Variants in LAMA4 observed in about 807,000 individuals in gnomAD.
LAMA4 encodes the protein laminin subunit alpha-4.
Under a neutral mutation model 207.1 loss-of-function variants are expected in LAMA4, and 127 were observed. That is an observed-to-expected ratio of 0.61 (90% CI 0.53 to 0.71). The LOEUF (loss-of-function observed/expected upper bound fraction) is 0.71. Among genes scored for constraint, LAMA4 ranks in the 30% least tolerant of loss-of-function variants. The pLI is 0.00. For missense variants in LAMA4, 2,093 were observed against 2,246.5 expected, an observed-to-expected ratio of 0.93 and a Z score of 1.38; for synonymous variants, 761 against 816.0, an observed-to-expected ratio of 0.93 and a Z score of 1.15.
At chr6:112,134,807 C>T (rs1172694831) in intron 25 of LAMA4, among the ~76,000 whole-genome samples, 198 bp from the exon 26 acceptor site, 1 of 152,150 alleles carries the variant, frequency 6.6e-6, no homozygotes, top group Non-Finnish European at 1.5e-5. Context: ...CAGCAGTTCA[C>T]ACTTTCTGGG....
intron 22 of LAMA4, 136 bp from the exon 23 acceptor site, chr6:112,140,021 T>C (rs1217822096): frequency 2.6e-5 from 22 of 841,796 alleles, no homozygotes; most frequent in Non-Finnish European, 4.4e-5. Flanking sequence ...CCCGAGTGTG[T>C]TTATGCCAAA....
At chr6:112,202,902 G>C (rs1235123421) in intron 4 of LAMA4, among the ~76,000 whole-genome samples, 1 of 152,204 alleles carries the variant, frequency 6.6e-6, no homozygotes, top group Non-Finnish European at 1.5e-5. Flanking sequence ...GGCATCTGGA[G>C]TCATCCGCCT....
At chr6:112,184,252 A>G (rs1361402726) in intron 9 of LAMA4, among the ~76,000 whole-genome samples, 1 of 151,712 alleles carries the variant, frequency 6.6e-6, no homozygotes, top group Non-Finnish European at 1.5e-5. Context: ...AGAATTGTTT[A>G]TAATGTCAAC....
At chr6:112,250,497 G>A (rs1787362214) in intron 2 of LAMA4, among the ~76,000 whole-genome samples, 1 of 152,150 alleles carries the variant, frequency 6.6e-6, no homozygotes, top group Admixed American at 6.5e-5. Context: ...CAACAATAAT[G>A]ACAACAATAG....
chr6:112,122,097 T>C lies in LAMA4; in HGVS notation c.4392A>G (p.Arg1464=). ...NSHCHLSNSP[R]AIEHAYQYGG... ...CATATTGATAGGCGTGCTCTATTGC[T>C]CTAGGGCTGTTGGAAAGGTGGCAAT... Residue 1464 remains arginine (R), a synonymous_variant, in exon 32 of 39, where the codon AGA becomes AGG. Coordinates refer to ENST00000230538, the MANE Select transcript of LAMA4 (RefSeq NM_001105206.3). The C allele has an allele frequency of 6.2e-7, 1 of 1,613,980 alleles. No individual in the cohort carries two copies. The highest frequency in any genetic ancestry group is 8.5e-7 in the Non-Finnish European group (1 of 1,179,916).
intron 14 of LAMA4, among the ~76,000 whole-genome samples, chr6:112,156,297 C>A (rs1346032290): frequency 1.3e-5 from 2 of 152,088 alleles, no homozygotes; most frequent in Non-Finnish European, 2.9e-5. Context: ...GTGTAAGGTT[C>A]ATCCAACATT....
Position 112,165,167 on chromosome 6 carries a change from A to G in LAMA4, c.1661T>C (p.Ile554Thr), listed in dbSNP as rs535664944. The change falls in exon 13 of 39, where the codon ATA becomes ACA. Residue 554 changes from isoleucine (I) to threonine (T), a missense_variant. Physicochemically the swap from Ile to Thr is moderately conservative, Grantham distance 89. Coordinates refer to ENST00000230538, the MANE Select transcript of LAMA4 (RefSeq NM_001105206.3). ...PRLTLSELDD[I>T]IKNASGIYAE... is the part of the protein sequence containing the mutation. ...AGTCACGTGCGTCCTTACCTTTATT[A>G]TATCATCAAGTTCTGAAAGAGTTAG... 5.5e-5 allele frequency: 87 copies of G among 1,592,454 alleles called. No individual in the cohort carries two copies. The South Asian group carries it at 8.4e-4, about 15-fold the overall frequency.
chr6:112,175,948 A>G lies in LAMA4; in HGVS notation c.1190-468T>C, dbSNP rs532755221. 1.9e-4 allele frequency among the ~76,000 whole-genome samples: 29 copies of G among 152,350 alleles called. No individual in the cohort carries two copies. The South Asian group carries it at 5.2e-3, about 27-fold the overall frequency. ...GAGATTATTAATGTGTGGAGTTATT[A>G]ATTGTATTTTAGACAAAGATTTGAT... On this transcript the variant is annotated intron_variant, in intron 10 of 38. Transcript: ENST00000230538.
intron 12 of LAMA4, among the ~76,000 whole-genome samples, chr6:112,171,313 G>A (rs1257795950): frequency 6.6e-6 from 1 of 151,890 alleles, no homozygotes; most frequent in Non-Finnish European, 1.5e-5. Flanking sequence ...ACTGTTATAG[G>A]TGATGAGGAG....
At position 112,131,086 on chromosome 6, in the gene LAMA4, T is replaced by C. The variant is rs567496555; in HGVS notation, c.3850A>G (p.Ile1284Val). ...ATGACAGTACCATTATCCAGTGAGATGGAGAACACGTCTGACTGAAATGCA... is the reference window on the plus strand; with the variant it reads ...ATGACAGTACCATTATCCAGTGAGACGGAGAACACGTCTGACTGAAATGCA... ...YYASGSDVFS[I>V]SLDNGTVIMD... Residue 1284 changes from isoleucine (I) to valine (V), a missense_variant, in exon 29 of 39, where the codon ATC becomes GTC. Physicochemically the swap from Ile to Val is conservative, Grantham distance 29. Coordinates refer to ENST00000230538, the MANE Select transcript of LAMA4 (RefSeq NM_001105206.3). The C allele has an allele frequency of 5.0e-6, 8 of 1,613,078 alleles. No homozygotes were observed. Among genetic ancestry groups the C allele is most frequent in the African/African-American group, 1.3e-5 (1 of 74,998 alleles).
At chr6:112,253,922 C>A (rs782092740) in intron 2 of LAMA4, 34 bp downstream of exon 2, 3 of 1,611,406 alleles carry the variant, frequency 1.9e-6, no homozygotes, top group Non-Finnish European at 2.5e-6. Context: ...GGCGCAGGTG[C>A]CCCAGCAGGG....
rs1160437204 is a variant in LAMA4 at position 112,139,920 on chromosome 6, T to C, written c.2977-35A>G. The stretch of plus-strand genomic sequence containing the variant: ...AGAAAAAGTAAAACCACTTGTCTCA[T>C]GGTCATATTTTACTCAGACATCACA... On this transcript the variant is annotated intron_variant, in intron 22 of 38. Transcript: ENST00000230538. 6 of 1,609,836 alleles carry C rather than the reference T, an allele frequency of 3.7e-6. No individual in the cohort carries two copies. The African/African-American group carries it at 6.7e-5, about 18-fold the overall frequency.
At chr6:112,188,971 G>A in intron 7 of LAMA4, 139 bp downstream of exon 7, 1 of 676,730 alleles carries the variant, frequency 1.5e-6, no homozygotes, top group Non-Finnish European at 2.7e-6. Context: ...GGCTCCATTT[G>A]CTGAGGTGCA....
chr6:112,194,499 G>A (rs6930838), intron 5 of LAMA4, among the ~76,000 whole-genome samples: 31,823 of 152,094 alleles, frequency 0.21, 4,435 homozygotes, highest in African/African-American at 0.39. Flanking sequence ...AAACTCTGAA[G>A]TTTTAGTCAA....
chr6:112,204,791 T>C (rs1783962743), intron 4 of LAMA4, among the ~76,000 whole-genome samples: 1 of 152,226 alleles, frequency 6.6e-6, no homozygotes, highest in East Asian at 1.9e-4. Context: ...ACCCTCACTG[T>C]GAGTACCATC....
At chr6:112,206,895 A>G in intron 4 of LAMA4, 126 bp downstream of exon 4, 3 of 1,103,078 alleles carry the variant, frequency 2.7e-6, no homozygotes, top group Non-Finnish European at 4.0e-6. Flanking sequence ...TTCCAGTCTC[A>G]TCTCAATATG....
At chr6:112,111,576 GA>G (rs1312914959) in intron 38 of LAMA4, among the ~76,000 whole-genome samples, 1 of 152,096 alleles carries the variant, frequency 6.6e-6, no homozygotes, top group African/African-American at 2.4e-5. Flanking sequence ...GATTTTAGTG[GA>G]ATTAATCTTG....
In LAMA4 at chr6:112,122,075, A is replaced by T. The variant is rs1361213570; in HGVS notation, c.4414T>A (p.Tyr1472Asn). The change falls in exon 32 of 39, where the codon TAT becomes AAT. Residue 1472 changes from tyrosine (Y) to asparagine (N), a missense_variant. By Grantham distance (143) the Tyr-to-Asn change is moderately radical. Coordinates refer to ENST00000230538, the MANE Select transcript of LAMA4 (RefSeq NM_001105206.3). ...TGGCGGCTGTTGGCTGTTCCTCCAT[A>T]TTGATAGGCGTGCTCTATTGCTCTA... Reference protein sequence around the residue: ...SPRAIEHAYQYGGTANSRQEF... With the variant: ...SPRAIEHAYQNGGTANSRQEF... 1 of 1,613,856 alleles carries T rather than the reference A, an allele frequency of 6.2e-7. No homozygotes were observed. Among genetic ancestry groups the T allele is most frequent in the Non-Finnish European group, 8.5e-7 (1 of 1,179,968 alleles).
intron 5 of LAMA4, among the ~76,000 whole-genome samples, chr6:112,195,175 C>CAGA (rs2114978976): frequency 6.6e-6 from 1 of 152,146 alleles, no homozygotes; most frequent in South Asian, 2.1e-4. Context: ...CTAGGTGGCT[C>CAGA]AGAAACCTTT....
Sources: allele counts gnomAD v4.1 joint callset (sites outside exome capture counted in the v4.1 genomes callset), GRCh38; gene constraint gnomAD v4.1.1; transcripts MANE v1.5; gene names NCBI Gene and HGNC (gene_info 2026-07-23, HGNC 2026-07-21).